The following ZZEF1 variants were observed in gnomAD, a reference collection of about 807,000 sequenced individuals.
ZZEF1 encodes the protein zinc finger ZZ-type and EF-hand domain containing 1, also known as zinc finger ZZ-type and EF-hand domain-containing protein 1.
ZZEF1 carries 157 observed loss-of-function variants against 342.8 expected under a neutral mutation model. The observed-to-expected ratio is 0.46, with a 90% CI of 0.40 to 0.52. The LOEUF (loss-of-function observed/expected upper bound fraction) is 0.52. ZZEF1 is among the 20% of genes least tolerant of loss of function. The pLI is 0.00. For synonymous variants in ZZEF1, 1,505 were observed against 1,429.1 expected, an observed-to-expected ratio of 1.05 and a Z score of -1.20; for missense variants, 3,480 against 3,725.6, an observed-to-expected ratio of 0.93 and a Z score of 1.72.
chr17:4,027,756 C>A (rs577641856), intron 42 of ZZEF1, among the ~76,000 whole-genome samples: 1 of 151,818 alleles, frequency 6.6e-6, no homozygotes. Context: ...TGTGTCACCA[C>A]ACCTGGCTTT....
intron 11 of ZZEF1, 75 bp downstream of exon 11, chr17:4,095,756 T>G: frequency 6.8e-7 from 1 of 1,480,892 alleles, no homozygotes; most frequent in Non-Finnish European, 9.1e-7. Context: ...CCAATGAGCA[T>G]GAATACATTC....
At chr17:4,042,641 C>CAGGGGACAGTGCAGTGG in intron 38 of ZZEF1, 73 bp from the exon 39 acceptor site, 2 of 1,444,090 alleles carry the variant, frequency 1.4e-6, no homozygotes, top group Non-Finnish European at 1.9e-6. Context: ...AACCACTGCA[C>CAGGGGACAGTGCAGTGG]TGTCCCCTGT....
chr17:4,018,176 C>A (rs2727071), intron 46 of ZZEF1, among the ~76,000 whole-genome samples: 11,695 of 152,202 alleles, frequency 0.077, 1,502 homozygotes, highest in African/African-American at 0.27. Context: ...GCAGGAGATG[C>A]AAACTCTCCT....
Position 4,017,203 on chromosome 17 carries a change from C to T in ZZEF1, c.8001+168G>A, listed in dbSNP as rs1472400951. 1 of 969,714 alleles carries T rather than the reference C, an allele frequency of 1.0e-6. No individual in the cohort carries two copies. The highest frequency in any genetic ancestry group is 3.0e-5 in the Admixed American group (1 of 33,372). 60.1% of individuals were successfully genotyped at this position (969,714 alleles called of 1,614,324 possible). Reference sequence around the variant, plus strand: ...CAGGGCCCCTGAGTTCCTCACTAGCCCAATCCTTGGGAGAGGATACAGTGA... The same window carrying T: ...CAGGGCCCCTGAGTTCCTCACTAGCTCAATCCTTGGGAGAGGATACAGTGA... On this transcript the variant is annotated intron_variant, in intron 48 of 54. Transcript: ENST00000381638. This position sits in a 1 kb window ranked among gnomAD's most constrained non-coding sequence, Gnocchi z 5.1.
chr17:4,039,497 T>C (rs370878131), intron 39 of ZZEF1, among the ~76,000 whole-genome samples: 2 of 138,664 alleles, frequency 1.4e-5, no homozygotes, highest in African/African-American at 3.0e-5. Context: ...AACAAACAAA[T>C]CCGCCCTGCA....
intron 11 of ZZEF1, among the ~76,000 whole-genome samples, chr17:4,091,330 G>A (rs930280614): frequency 1.4e-4 from 21 of 152,202 alleles, no homozygotes; most frequent in African/African-American, 4.6e-4. Context: ...CCCAGCCTTC[G>A]TAGGCCTCAG....
intron 52 of ZZEF1, among the ~76,000 whole-genome samples, chr17:4,012,658 A>G (rs1237896872): frequency 1.3e-5 from 2 of 152,222 alleles, no homozygotes; most frequent in African/African-American, 4.8e-5. Context: ...TGTCCTCCCT[A>G]TAGCGCAAAA....
chr17:4,059,212 A>C lies in ZZEF1; in HGVS notation c.4962T>G (p.Phe1654Leu). 6.2e-7 allele frequency: 1 copy of C among 1,608,234 alleles called. No homozygotes were observed. Among genetic ancestry groups the C allele is most frequent in the South Asian group, 1.1e-5 (1 of 88,970 alleles). ...TAAATCCTTTAACTGCTTTGACCAA[A>C]AACAGAACAAGTTGATAGTAAGTGT... is the stretch of plus-strand genomic sequence containing the variant. ...IRDTYYQLVL[F>L]LVKAVKGFSS... The change falls in exon 31 of 55, where the codon TTT (phenylalanine) becomes TTG (leucine). Residue 1654 changes from phenylalanine (F) to leucine (L), a missense_variant. Physicochemically the swap from Phe to Leu is conservative, Grantham distance 22. Transcript: ENST00000381638.
chr17:4,114,503 T>C (rs749741714), intron 3 of ZZEF1, 33 bp from the exon 4 acceptor site: 19 of 1,410,618 alleles, frequency 1.3e-5, no homozygotes, highest in Non-Finnish European at 1.6e-5. Flanking sequence ...TTATATGACA[T>C]CCCTTTCACA....
At position 4,054,118 on chromosome 17, in the gene ZZEF1, G is replaced by C. The variant is rs1474246356; in HGVS notation, c.5373C>G (p.Pro1791=). ...ACTGCAGACAGCGGTATCGATGCCA[G>C]GGGGCAATCTCATCACACCCATCAC... ...ISCDGCDEIA[P]WHRYRCLQCS... Residue 1791 remains proline (P), a synonymous_variant, in exon 34 of 55, where the codon CCC becomes CCG. Coordinates refer to ENST00000381638, the MANE Select transcript of ZZEF1 (RefSeq NM_015113.4). 6.2e-7 allele frequency: 1 copy of C among 1,613,684 alleles called. No homozygotes were observed. The highest frequency in any genetic ancestry group is 1.7e-5 in the Admixed American group (1 of 59,984).
chr17:4,123,920 G>A lies in ZZEF1; in HGVS notation c.486C>T (p.Cys162=). The A allele has an allele frequency of 6.2e-7, 1 of 1,613,452 alleles. No individual in the cohort carries two copies. The highest frequency in any genetic ancestry group is 1.1e-5 in the South Asian group (1 of 90,976). The change falls in exon 2 of 55, where the codon TGC becomes TGT. Residue 162 remains cysteine, a synonymous_variant. Transcript: ENST00000381638. ...TGGAAGCCTCACCTGGAACCAGAGA[G>A]CAGGCCTGTAGTTGTCTGATGATGT... ...LSHIIRQLQA[C]SLVPGFTDIF...
chr17:4,067,455 C>G (rs751511431), intron 26 of ZZEF1, among the ~76,000 whole-genome samples: 69 of 152,042 alleles, frequency 4.5e-4, no homozygotes, highest in Non-Finnish European at 7.1e-4. Context: ...TAACTTTTTT[C>G]AAACTAATAA....
chr17:4,114,190 A>T, intron 4 of ZZEF1, 109 bp downstream of exon 4: 2 of 810,926 alleles, frequency 2.5e-6, no homozygotes, highest in Non-Finnish European at 3.6e-6. Context: ...GATTCATTTT[A>T]CTTGATTCTT....
Position 4,082,422 on chromosome 17 carries a change from G to A in ZZEF1, c.2714+15C>T. On this transcript the variant is annotated intron_variant, in intron 17 of 54. Transcript: ENST00000381638. ...ATTTGAGTTATCCGACAATTAAAAA[G>A]AACGATCAGCTTACCTAAAATACGT... 4 of 1,613,322 alleles carry A rather than the reference G, an allele frequency of 2.5e-6. No individual in the cohort carries two copies. Among genetic ancestry groups the A allele is most frequent in the South Asian group, 2.2e-5 (2 of 91,016 alleles).
chr17:4,138,137 T>C (rs1255333528), intron 1 of ZZEF1, among the ~76,000 whole-genome samples: 1 of 152,128 alleles, frequency 6.6e-6, no homozygotes, highest in Admixed American at 6.5e-5. Context: ...GACAAATACA[T>C]ATTTGGTCCC....
chr17:4,022,253 A>G (rs760820852), intron 44 of ZZEF1, among the ~76,000 whole-genome samples: 4 of 152,228 alleles, frequency 2.6e-5, no homozygotes, highest in Non-Finnish European at 5.9e-5. Context: ...CTGGGCACAG[A>G]AAGTCCACAG....
chr17:4,084,633 G>A (rs1183968636), intron 16 of ZZEF1, among the ~76,000 whole-genome samples: 2 of 152,038 alleles, frequency 1.3e-5, no homozygotes, highest in Non-Finnish European at 2.9e-5. Context: ...ATTTTTTCAT[G>A]TATCATACTC....
At chr17:4,139,234 A>G (rs1396336486) in intron 1 of ZZEF1, among the ~76,000 whole-genome samples, 1 of 151,806 alleles carries the variant, frequency 6.6e-6, no homozygotes, top group Non-Finnish European at 1.5e-5. Context: ...GAACTTCTTT[A>G]TAACACCTCC....
intron 1 of ZZEF1, among the ~76,000 whole-genome samples, chr17:4,137,866 G>A (rs543395641): frequency 6.6e-6 from 1 of 152,224 alleles, no homozygotes; most frequent in Non-Finnish European, 1.5e-5. Flanking sequence ...TCTGAATCAT[G>A]CCACAGAAGA....
Sources: allele counts gnomAD v4.1 joint callset (sites outside exome capture counted in the v4.1 genomes callset), GRCh38; gene constraint gnomAD v4.1.1; non-coding constraint Gnocchi (gnomAD v3.1); transcripts MANE v1.5; gene names NCBI Gene and HGNC (gene_info 2026-07-23, HGNC 2026-07-21).